TENM4: variants seen among roughly 807,000 people sequenced by gnomAD.
The protein encoded by TENM4 is teneurin transmembrane protein 4.
A neutral mutation model predicts 243.3 loss-of-function variants in TENM4; 82 were observed. The observed-to-expected ratio is 0.34, with a 90% confidence interval of 0.28 to 0.40. The LOEUF is 0.40. TENM4 is among the 10% of genes least tolerant of loss of function. The pLI is 1.00. For missense variants in TENM4, 3,138 were observed against 3,673.3 expected, an observed-to-expected ratio of 0.85 and a Z score of 3.77; for synonymous variants, 1,412 against 1,456.3, an observed-to-expected ratio of 0.97 and a Z score of 0.69.
intron 2 of TENM4, among the ~76,000 whole-genome samples, chr11:79,247,140 G>C (rs1237544971): frequency 2.0e-5 from 3 of 151,976 alleles, no homozygotes; most frequent in African/African-American, 4.8e-5. Flanking sequence ...ATGCTGGCCA[G>C]GTGCGGTGTC....
intron 30 of TENM4, among the ~76,000 whole-genome samples, chr11:78,675,008 G>C (rs920705704): frequency 1.3e-5 from 2 of 151,908 alleles, no homozygotes. Context: ...TAGGATTACT[G>C]GTGTCCCCCA....
chr11:79,049,257 T>A (rs1315875961), intron 6 of TENM4, among the ~76,000 whole-genome samples: 1 of 152,190 alleles, frequency 6.6e-6, no homozygotes, highest in African/African-American at 2.4e-5. Context: ...TGAGAGTCAT[T>A]TGGACACGGC....
chr11:79,190,303 A>G (rs149510001), intron 3 of TENM4, among the ~76,000 whole-genome samples: 31 of 152,294 alleles, frequency 2.0e-4, no homozygotes, highest in African/African-American at 7.5e-4. Context: ...CAGCTTCCTC[A>G]TAAGTAAAAT....
chr11:79,315,569 G>A (rs1304811068), intron 1 of TENM4, among the ~76,000 whole-genome samples: 1 of 152,204 alleles, frequency 6.6e-6, no homozygotes, highest in East Asian at 1.9e-4. Context: ...GGTGCTCAAA[G>A]TGTGGTCTGT....
intron 6 of TENM4, 88 bp downstream of exon 6, chr11:79,064,650 C>G (rs2136985564): frequency 6.7e-7 from 1 of 1,501,202 alleles, no homozygotes; most frequent in South Asian, 1.3e-5. Flanking sequence ...TCACCAGAGC[C>G]CCGGCAGTGG....
At chr11:79,403,000 A>G (rs1210429403) in intron 1 of TENM4, among the ~76,000 whole-genome samples, 3 of 152,176 alleles carry the variant, frequency 2.0e-5, no homozygotes, top group Admixed American at 2.0e-4. Flanking sequence ...CAACATAAAT[A>G]TTGAAATATT....
At chr11:79,169,169 T>C (rs1179350811) in intron 3 of TENM4, among the ~76,000 whole-genome samples, 1 of 152,220 alleles carries the variant, frequency 6.6e-6, no homozygotes, top group Non-Finnish European at 1.5e-5. Flanking sequence ...CCAAGCTTTA[T>C]CTAGATTAAC....
intron 3 of TENM4, among the ~76,000 whole-genome samples, chr11:79,209,842 C>T (rs961195807): frequency 1.3e-5 from 2 of 152,190 alleles, no homozygotes; most frequent in African/African-American, 4.8e-5. Context: ...GCAGGCCTGG[C>T]TTCAAACTCC....
intron 6 of TENM4, among the ~76,000 whole-genome samples, chr11:78,992,213 C>T (rs1291668228): frequency 1.3e-5 from 2 of 152,186 alleles, no homozygotes; most frequent in African/African-American, 2.4e-5. Flanking sequence ...TCCTGCCATC[C>T]CACTGACCTT....
intron 9 of TENM4, among the ~76,000 whole-genome samples, chr11:78,876,624 T>C (rs1024696176): frequency 6.6e-6 from 1 of 152,194 alleles, no homozygotes; most frequent in African/African-American, 2.4e-5. Flanking sequence ...AGGTTCAAAC[T>C]CCAGTAATAT....
chr11:78,683,864 TAG>T (rs1434344097), intron 29 of TENM4, among the ~76,000 whole-genome samples: 3 of 152,324 alleles, frequency 2.0e-5, no homozygotes, highest in Admixed American at 2.0e-4. Context: ...AAAATACACA[TAG>T]AGTTTCTTTC....
chr11:78,719,594 G>A (rs1859599167), intron 25 of TENM4, among the ~76,000 whole-genome samples: 1 of 152,170 alleles, frequency 6.6e-6, no homozygotes, highest in African/African-American at 2.4e-5. Context: ...ATAACTGAGA[G>A]CCACTTCTGT....
At chr11:78,695,289 C>A (rs1022023854) in intron 28 of TENM4, among the ~76,000 whole-genome samples, 1 of 152,112 alleles carries the variant, frequency 6.6e-6, no homozygotes, top group Admixed American at 6.5e-5. Context: ...GGTTCCCTTA[C>A]CCCTCCCTAT....
At chr11:79,267,137 C>T (rs1855896394) in intron 2 of TENM4, among the ~76,000 whole-genome samples, 1 of 152,188 alleles carries the variant, frequency 6.6e-6, no homozygotes, top group Non-Finnish European at 1.5e-5. Flanking sequence ...TTCTCACCAT[C>T]CACATGTAAT....
At chr11:78,848,425 C>A (rs1039009580) in intron 12 of TENM4, among the ~76,000 whole-genome samples, 4 of 152,298 alleles carry the variant, frequency 2.6e-5, no homozygotes, top group Admixed American at 2.6e-4. Flanking sequence ...TTATAGCCAG[C>A]TCTTAATTTT....
chr11:79,319,026 G>A (rs569045116), intron 1 of TENM4, among the ~76,000 whole-genome samples: 1 of 152,290 alleles, frequency 6.6e-6, no homozygotes, highest in Admixed American at 6.5e-5. Context: ...ATGTGCCAGT[G>A]AGAGTGCTGA....
chr11:78,965,801 CAG>C (rs1461039748), intron 6 of TENM4, among the ~76,000 whole-genome samples: 1 of 149,164 alleles, frequency 6.7e-6, no homozygotes, highest in African/African-American at 2.4e-5. Context: ...AGTAGGTGTG[CAG>C]AGTTTCTGTG....
intron 19 of TENM4, among the ~76,000 whole-genome samples, chr11:78,744,748 C>T (rs1454422128): frequency 1.3e-5 from 2 of 152,212 alleles, no homozygotes; most frequent in African/African-American, 2.4e-5. Context: ...GTGCTACCAT[C>T]GCTGGTTCAC....
chr11:78,910,982 C>T (rs1288724174), intron 6 of TENM4, among the ~76,000 whole-genome samples: 1 of 152,200 alleles, frequency 6.6e-6, no homozygotes, highest in African/African-American at 2.4e-5. Flanking sequence ...TAAAAAATAG[C>T]ACCTTGAGGT....
Sources: allele counts gnomAD v4.1 joint callset (sites outside exome capture counted in the v4.1 genomes callset), GRCh38; gene constraint gnomAD v4.1.1; transcripts MANE v1.5; gene names NCBI Gene and HGNC (gene_info 2026-07-23, HGNC 2026-07-21).